The following ST7 variants were observed in gnomAD, a reference collection of about 807,000 sequenced individuals.
ST7 encodes suppression of tumorigenicity 7, also known as suppressor of tumorigenicity 7 protein.
A neutral mutation model predicts 78.7 loss-of-function variants in ST7; 28 were observed. The observed-to-expected ratio is 0.36, with a 90% CI of 0.26 to 0.49. The LOEUF is 0.49. ST7 is among the 20% of genes least tolerant of loss of function. The probability of loss-of-function intolerance (pLI) is 0.99; values close to 1 mark genes in which losing one functional copy is unlikely to be tolerated. For synonymous variants in ST7, 247 were observed against 249.6 expected, an observed-to-expected ratio of 0.99 and a Z score of 0.10; for missense variants, 418 against 696.0, an observed-to-expected ratio of 0.60 and a Z score of 4.49.
intron 1 of ST7, among the ~76,000 whole-genome samples, chr7:117,011,491 A>G (rs1795381533): frequency 6.6e-6 from 1 of 152,182 alleles, no homozygotes; most frequent in Admixed American, 6.5e-5. Flanking sequence ...CCACCTCCTC[A>G]TTTTACCAGT....
chr7:117,221,176 T>A (rs1286274412), intron 14 of ST7, among the ~76,000 whole-genome samples: 1 of 152,192 alleles, frequency 6.6e-6, no homozygotes, highest in Non-Finnish European at 1.5e-5. Context: ...GCTTTTTGGT[T>A]TTCCCAAACC....
chr7:116,968,377 T>A (rs985513083), intron 1 of ST7: 1 of 434,074 alleles, frequency 2.3e-6, no homozygotes, highest in African/African-American at 2.1e-5. Flanking sequence ...TTCTTCCTTC[T>A]TTTTGCTTCT....
At chr7:116,971,954 A>T (rs1793447482) in intron 1 of ST7, among the ~76,000 whole-genome samples, 1 of 152,208 alleles carries the variant, frequency 6.6e-6, no homozygotes, top group Admixed American at 6.5e-5. Flanking sequence ...TGTTGTTTCC[A>T]AAGGTGCTCA....
At chr7:116,985,102 T>C (rs771203263) in intron 1 of ST7, among the ~76,000 whole-genome samples, 1 of 152,122 alleles carries the variant, frequency 6.6e-6, no homozygotes, top group Admixed American at 6.5e-5. Context: ...CCTTTGAGAA[T>C]TGTATAGTGG....
chr7:116,979,582 TAA>T (rs1282675035), intron 1 of ST7, among the ~76,000 whole-genome samples: 1 of 152,198 alleles, frequency 6.6e-6, no homozygotes, highest in African/African-American at 2.4e-5. Context: ...TTATATACGT[TAA>T]GTTACTAAAT....
At chr7:117,182,832 GA>G (rs1167950056) in intron 10 of ST7, 1 of 152,174 alleles carries the variant, frequency 6.6e-6, no homozygotes, top group African/African-American at 2.4e-5. Flanking sequence ...AAATAGATGA[GA>G]AGTTCTGAAG....
At chr7:117,094,768 T>C (rs972616419) in intron 1 of ST7, among the ~76,000 whole-genome samples, 1 of 152,212 alleles carries the variant, frequency 6.6e-6, no homozygotes, top group Non-Finnish European at 1.5e-5. Flanking sequence ...GTCTCTTTCC[T>C]AGGCATAATG....
chr7:117,158,689 A>C (rs1443710004), intron 9 of ST7, among the ~76,000 whole-genome samples: 1 of 152,178 alleles, frequency 6.6e-6, no homozygotes, highest in East Asian at 1.9e-4. Context: ...TCAGTACTGC[A>C]TTTTATACTG....
intron 9 of ST7, among the ~76,000 whole-genome samples, chr7:117,160,517 C>T (rs1404711066): frequency 6.7e-6 from 1 of 150,036 alleles, no homozygotes; most frequent in Non-Finnish European, 1.5e-5. Context: ...TATAATGTGC[C>T]CTCTCTCCCG....
At chr7:116,957,970 G>A (rs974814210) in intron 1 of ST7, among the ~76,000 whole-genome samples, 6 of 152,132 alleles carry the variant, frequency 3.9e-5, no homozygotes, top group African/African-American at 1.4e-4. Flanking sequence ...GTAATAGCCT[G>A]ATCTAGGCTT....
At chr7:117,074,294 G>T (rs1255762187) in intron 1 of ST7, among the ~76,000 whole-genome samples, 1 of 152,216 alleles carries the variant, frequency 6.6e-6, no homozygotes, top group Non-Finnish European at 1.5e-5. Flanking sequence ...TGGAGGTTGA[G>T]GCAGGAGAAT....
At chr7:117,114,655 A>C (rs1455484056) in intron 2 of ST7, among the ~76,000 whole-genome samples, 1 of 152,218 alleles carries the variant, frequency 6.6e-6, no homozygotes, top group East Asian at 1.9e-4. Flanking sequence ...GGAATTACTA[A>C]GCTTTTGCTG....
chr7:117,186,175 G>A (rs1425623722), intron 10 of ST7, among the ~76,000 whole-genome samples: 2 of 152,000 alleles, frequency 1.3e-5, no homozygotes, highest in African/African-American at 2.4e-5. Context: ...TAGCAGCCTC[G>A]GTGTATGATT....
intron 1 of ST7, chr7:116,954,370 A>C (rs1223385125): frequency 6.6e-6 from 1 of 152,416 alleles, no homozygotes; most frequent in African/African-American, 2.4e-5. Context: ...GGATTGTCGA[A>C]GGGACCGGAG....
chr7:117,161,800 A>C (rs1052380051), intron 9 of ST7, among the ~76,000 whole-genome samples: 3 of 151,542 alleles, frequency 2.0e-5, no homozygotes, highest in African/African-American at 7.3e-5. Context: ...GGGTTTCATC[A>C]TGTTGGCCAG....
chr7:117,027,469 A>AAAGTAAAGTAAAGTG (rs1796257532), intron 1 of ST7, among the ~76,000 whole-genome samples: 1 of 133,204 alleles, frequency 7.5e-6, no homozygotes, highest in South Asian at 2.1e-4. Flanking sequence ...AAGTAAAAGT[A>AAAGTAAAGTAAAGTG]AAGTAAAGTA....
At chr7:117,222,126 G>A (rs1793138420) in intron 15 of ST7, 64 bp downstream of exon 15, 4 of 1,526,028 alleles carry the variant, frequency 2.6e-6, no homozygotes, top group Non-Finnish European at 3.5e-6. Flanking sequence ...CATAAAAGCA[G>A]CGTGAGAGAA....
intron 1 of ST7, among the ~76,000 whole-genome samples, chr7:117,071,163 G>A (rs1798931821): frequency 1.3e-5 from 2 of 152,136 alleles, no homozygotes; most frequent in African/African-American, 4.8e-5. Flanking sequence ...AGCTTGCAGT[G>A]AGCCGAGATC....
At chr7:117,025,412 G>C (rs1382381739) in intron 1 of ST7, among the ~76,000 whole-genome samples, 1 of 152,072 alleles carries the variant, frequency 6.6e-6, no homozygotes, top group Non-Finnish European at 1.5e-5. Context: ...TATGAAACTA[G>C]GTAATTTAGG....
Sources: gnomAD v4.1 joint callset for allele counts (sites outside exome capture counted in the v4.1 genomes callset) on GRCh38, gnomAD v4.1.1 for gene constraint, MANE v1.5 for transcripts, NCBI Gene and HGNC (gene_info 2026-07-23, HGNC 2026-07-21) for gene names.